DNASE1: variants seen among roughly 807,000 people sequenced by gnomAD.
DNASE1 encodes the protein deoxyribonuclease 1, also known as deoxyribonuclease-1.
A neutral mutation model predicts 33.9 loss-of-function variants in DNASE1; 40 were observed. The ratio of observed to expected loss-of-function variants is 1.18; its 90% CI spans 0.92 to 1.54. DNASE1 has a LOEUF of 1.54. Among genes scored for constraint, DNASE1 ranks in the 40% most tolerant of loss-of-function variants. DNASE1 has a pLI of 0.00. For synonymous variants in DNASE1, 216 were observed against 160.0 expected (o/e 1.35, Z -2.64); for missense variants, 518 against 372.6 (o/e 1.39, Z -3.21).
intron 1 of DNASE1, among the ~76,000 whole-genome samples, chr16:3,617,094 C>T (rs572992875): frequency 2.1e-4 from 32 of 151,984 alleles, no homozygotes; most frequent in African/African-American, 7.5e-4. Context: ...GTAATCCCAG[C>T]ACTTTTGGCA....
intron 1 of DNASE1, among the ~76,000 whole-genome samples, chr16:3,631,452 G>T (rs753972460): frequency 2.0e-5 from 3 of 151,544 alleles, no homozygotes; most frequent in Non-Finnish European, 4.4e-5. Context: ...TGATCCACCT[G>T]CCTCGGCCTC....
chr16:3,663,331 G>A lies in DNASE1; in HGVS notation c.*5378G>A, dbSNP rs2050732213. On this transcript the variant is annotated 3_prime_UTR_variant, in exon 10 of 10. Transcript: ENST00000407479. ...GGGGGTGGCTGAGCCCAGGTCAACT[G>A]ACGAAAACCCAAAGGAAGCCCTCGC... The A allele has an allele frequency of 2.6e-6, 4 of 1,543,390 alleles. No individual in the cohort carries two copies. In the Admixed American group the frequency reaches 7.4e-5, roughly 29 times the overall value.
At chr16:3,662,976 G>C (rs540680238), downstream of DNASE1, 3 of 1,601,468 alleles carry the variant, frequency 1.9e-6, no homozygotes, top group East Asian at 4.5e-5. Flanking sequence ...GGCTGCGGAA[G>C]AGCAGGCGAC....
At chr16:3,663,536 A>G (rs1284936782) in exon 10 of DNASE1, 3 of 1,614,026 alleles carry the variant, frequency 1.9e-6, no homozygotes, top group Non-Finnish European at 2.5e-6. Flanking sequence ...GGGTGAGCTC[A>G]TCAAACTGCT....
chr16:3,663,236 C>G (rs2050728976), exon 10 of DNASE1: 2 of 758,522 alleles, frequency 2.6e-6, no homozygotes, highest in Non-Finnish European at 4.2e-6. Flanking sequence ...GAGCACTGGA[C>G]AGACCCCTGA....
At chr16:3,656,809 C>G (rs1419132405) in intron 5 of DNASE1, 56 bp downstream of exon 5, 4 of 1,551,510 alleles carry the variant, frequency 2.6e-6, no homozygotes, top group African/African-American at 2.7e-5. Flanking sequence ...GCCTCCACCC[C>G]CTCCTAGGGA....
intron 1 of DNASE1, among the ~76,000 whole-genome samples, chr16:3,626,140 G>C (rs962583888): frequency 2.6e-5 from 4 of 151,912 alleles, no homozygotes; most frequent in African/African-American, 9.7e-5. Flanking sequence ...AGATGTGTGT[G>C]ATGTGCACGG....
At chr16:3,658,260 AGG>A, downstream of DNASE1, 1 of 1,540,926 alleles carries the variant, frequency 6.5e-7, no homozygotes, top group Non-Finnish European at 8.9e-7. Flanking sequence ...ACCCATTATG[AGG>A]GGCATGGGGC....
rs369619441 is a variant in DNASE1, at chr16:3,655,486, T to C, written c.113T>C (p.Met38Thr). 1 of 1,614,014 alleles carries C rather than the reference T, an allele frequency of 6.2e-7. No homozygotes were observed. Among genetic ancestry groups the C allele is most frequent in the African/African-American group, 1.3e-5 (1 of 74,926 alleles). Residue 38 changes from methionine (M) to threonine (T), a missense_variant, in exon 2 of 9, where the codon ATG becomes ACG. Physicochemically the swap from Met to Thr is moderately conservative, Grantham distance 81. Coordinates refer to ENST00000246949, the MANE Select transcript of DNASE1 (RefSeq NM_005223.4). ...FNIQTFGETK[M>T]SNATLVSYIV... ...ATCCAGACATTTGGGGAGACCAAGA[T>C]GTCCAATGCCACCCTCGTCAGCTAC...
chr16:3,620,398 T>G (rs2041265303), intron 1 of DNASE1, among the ~76,000 whole-genome samples: 1 of 151,944 alleles, frequency 6.6e-6, no homozygotes, highest in South Asian at 2.1e-4. Context: ...GAGTACTCAG[T>G]GTGTCACCCA....
At chr16:3,625,980 G>T (rs761287886) in intron 1 of DNASE1, among the ~76,000 whole-genome samples, 1 of 152,088 alleles carries the variant, frequency 6.6e-6, no homozygotes, top group South Asian at 2.1e-4. Flanking sequence ...TGCGCCTGTA[G>T]TCCCAGCTAC....
At chr16:3,657,867 G>A in intron 8 of DNASE1, 39 bp from the exon 9 acceptor site, 1 of 1,614,004 alleles carries the variant, frequency 6.2e-7, no homozygotes, top group Non-Finnish European at 8.5e-7. Context: ...CAGGAGCTCA[G>A]GTAGGCTCAG....
chr16:3,630,516 T>C (rs916184815), intron 1 of DNASE1, among the ~76,000 whole-genome samples: 1 of 152,224 alleles, frequency 6.6e-6, no homozygotes, highest in African/African-American at 2.4e-5. Flanking sequence ...TTGCTTTATA[T>C]ATTTTGATGG....
rs1349994643 is a variant in DNASE1 at position 3,656,757 on chromosome 16, G to A, written c.436+4G>A. On this transcript the variant is annotated splice_donor_region_variant and intron_variant, in intron 5 of 8. Transcript: ENST00000246949. ...AGGTTCTTCTCCCGGTTCACAGGTGGGTGCTGCCTGGGCCAGGGTGGGGCT... is the reference window on the plus strand; with the variant it reads ...AGGTTCTTCTCCCGGTTCACAGGTGAGTGCTGCCTGGGCCAGGGTGGGGCT... 13 of 1,600,438 alleles carry A rather than the reference G, an allele frequency of 8.1e-6. No homozygotes were observed. The highest frequency in any genetic ancestry group is 1.7e-5 in the Admixed American group (1 of 58,472).
chr16:3,617,720 A>G (rs1596551280), intron 1 of DNASE1, among the ~76,000 whole-genome samples: 1 of 151,990 alleles, frequency 6.6e-6, no homozygotes, highest in African/African-American at 2.4e-5. Flanking sequence ...CGGAGGCGGG[A>G]GGATTGCTTG....
chr16:3,656,665 C>T lies in DNASE1; in HGVS notation c.348C>T (p.Ser116=), dbSNP rs1231000258. The T allele has an allele frequency of 3.1e-6, 5 of 1,612,932 alleles. No individual in the cohort carries two copies. In the East Asian group the frequency reaches 6.7e-5, roughly 22 times the overall value. The change falls in exon 5 of 9, where the codon AGC becomes AGT. Residue 116 remains serine (S), a synonymous_variant. Coordinates refer to ENST00000246949, the MANE Select transcript of DNASE1 (RefSeq NM_005223.4). ...YRPDQVSAVD[S]YYYDDGCEPC... ...CTGACCAGGTGTCTGCGGTGGACAG[C>T]TACTACTACGATGATGGCTGCGAGC... is the stretch of plus-strand genomic sequence containing the variant.
At chr16:3,614,430 T>C (rs1243915779) in intron 1 of DNASE1, among the ~76,000 whole-genome samples, 1 of 152,224 alleles carries the variant, frequency 6.6e-6, no homozygotes, top group Non-Finnish European at 1.5e-5. Flanking sequence ...CATCAGCTTT[T>C]GGTTAGGAGG....
At chr16:3,647,213 A>G (rs1360045215) in intron 1 of DNASE1, among the ~76,000 whole-genome samples, 1 of 148,562 alleles carries the variant, frequency 6.7e-6, no homozygotes, top group Non-Finnish European at 1.5e-5. Flanking sequence ...ATCTGGCAGT[A>G]TTGCTTTAAA....
At chr16:3,639,033 G>A (rs756995529), upstream of DNASE1, among the ~76,000 whole-genome samples, 19 of 152,090 alleles carry the variant, frequency 1.2e-4, no homozygotes, top group Non-Finnish European at 2.5e-4. Context: ...GTCCTTGTCT[G>A]CTAGTTCCTT....
Sources: allele counts gnomAD v4.1 joint callset (sites outside exome capture counted in the v4.1 genomes callset), GRCh38; gene constraint gnomAD v4.1.1; transcripts MANE v1.5; gene names NCBI Gene and HGNC (gene_info 2026-07-23, HGNC 2026-07-21).